DAPK1: variants seen among roughly 807,000 people sequenced by gnomAD.
DAPK1 encodes the protein death associated protein kinase 1.
A neutral mutation model predicts 144.9 loss-of-function variants in DAPK1; 56 were observed. That is an observed-to-expected ratio of 0.39 (90% CI 0.31 to 0.48). DAPK1 has a LOEUF of 0.48. Ranked by LOEUF, DAPK1 falls within the 20% of genes least tolerant of loss-of-function variation. The pLI is 0.95. For synonymous variants in DAPK1, 690 were observed against 749.0 expected (o/e 0.92, Z 1.29); for missense variants, 1,454 against 1,875.4 (o/e 0.78, Z 4.15).
chr9:87,600,789 C>T (rs771535252), intron 2 of DAPK1, among the ~76,000 whole-genome samples: 12 of 151,930 alleles, frequency 7.9e-5, no homozygotes, highest in Non-Finnish European at 1.8e-4. Context: ...AATAATGCAG[C>T]CATCCGTATC....
Position 87,665,874 on chromosome 9 carries a change from T to A in DAPK1, c.1924-2723T>A, listed in dbSNP as rs113439073. Among the ~76,000 whole-genome samples the A allele has an allele frequency of 3.2e-3, 485 of 152,278 alleles. 3 individuals are homozygous for A. Among genetic ancestry groups the A allele is most frequent in the African/African-American group, 0.011 (464 of 41,554 alleles). The stretch of plus-strand genomic sequence containing the variant: ...TCTGCAGCCACTTGGTCCCCAGGGC[T>A]CACGTTGAGATGATGGACAGCTGAG... On this transcript the variant is annotated intron_variant, in intron 18 of 25. Transcript: ENST00000408954.
At chr9:87,593,062 C>T (rs1346825441) in intron 2 of DAPK1, among the ~76,000 whole-genome samples, 1 of 152,196 alleles carries the variant, frequency 6.6e-6, no homozygotes, top group East Asian at 1.9e-4. Flanking sequence ...CACTGCCTCC[C>T]TGAGACCTGG....
At chr9:87,600,306 C>T (rs1828471648) in intron 2 of DAPK1, among the ~76,000 whole-genome samples, 1 of 152,198 alleles carries the variant, frequency 6.6e-6, no homozygotes, top group Admixed American at 6.5e-5. Context: ...AAATTTTATG[C>T]CTCCTGCAGT....
At chr9:87,635,332 TC>T (rs1814547176) in intron 3 of DAPK1, among the ~76,000 whole-genome samples, 1 of 152,002 alleles carries the variant, frequency 6.6e-6, no homozygotes, top group African/African-American at 2.4e-5. Context: ...GCAGCCAAAC[TC>T]CTGACGTTTC....
intron 3 of DAPK1, among the ~76,000 whole-genome samples, chr9:87,633,897 G>A (rs1829796353): frequency 6.6e-6 from 1 of 152,166 alleles, no homozygotes. Flanking sequence ...TGTTTATTAA[G>A]AACTATACTT....
At chr9:87,498,142 AC>A (rs1331942268) in intron 1 of DAPK1, 35 bp downstream of exon 1, 5 of 396,270 alleles carry the variant, frequency 1.3e-5, no homozygotes, top group African/African-American at 2.1e-5. Flanking sequence ...GGTCCCCCCG[AC>A]CCCCGGCGCC....
Position 87,522,344 on chromosome 9 carries a change from C to A in DAPK1, c.62+23205C>A, listed in dbSNP as rs62562066. Among the ~76,000 whole-genome samples, 54 of 152,160 alleles carry A rather than the reference C, an allele frequency of 3.5e-4. 1 individual carries two copies. The South Asian group carries it at 0.011, about 31-fold the overall frequency. ...CCTTCTAGTGAGTCTTGAGATCATT[C>A]CATATATATTCTATGTGTATTTAAG... is the stretch of plus-strand genomic sequence containing the variant. On this transcript the variant is annotated intron_variant, in intron 2 of 25. Coordinates refer to ENST00000408954, the MANE Select transcript of DAPK1 (RefSeq NM_004938.4).
intron 3 of DAPK1, among the ~76,000 whole-genome samples, chr9:87,621,670 T>G (rs1829297672): frequency 6.6e-6 from 1 of 152,186 alleles, no homozygotes; most frequent in African/African-American, 2.4e-5. Context: ...CCTCTTGCTT[T>G]GGGTTTGAAA....
intron 2 of DAPK1, among the ~76,000 whole-genome samples, chr9:87,590,758 T>A (rs999671483): frequency 1.5e-4 from 23 of 152,124 alleles, no homozygotes; most frequent in African/African-American, 5.1e-4. Flanking sequence ...AGCTAATTTT[T>A]AAAAATTTTT....
In DAPK1 at chr9:87,707,562, A is replaced by G; in HGVS notation, c.*198A>G. Reference sequence around the variant, plus strand: ...CTCATTCCGTTGTCTGTGGATGGTCATTGCAGTTTAAGAGCAGAACAGATC... The same window carrying G: ...CTCATTCCGTTGTCTGTGGATGGTCGTTGCAGTTTAAGAGCAGAACAGATC... On this transcript the variant is annotated 3_prime_UTR_variant, in exon 26 of 26. Coordinates refer to ENST00000408954, the MANE Select transcript of DAPK1 (RefSeq NM_004938.4). This position sits in a 1 kb window ranked among gnomAD's most constrained non-coding sequence, Gnocchi z 4.0. The G allele has an allele frequency of 1.7e-6, 1 of 591,462 alleles. No homozygotes were observed. The highest frequency in any genetic ancestry group is 3.0e-6 in the Non-Finnish European group (1 of 333,400). 36.6% of individuals were successfully genotyped at this position (591,462 alleles called of 1,614,324 possible). A position where few individuals can be genotyped will look rare whatever the true frequency, so the allele number is the denominator to read the frequency against.
chr9:87,505,647 G>A (rs922441080), intron 2 of DAPK1, among the ~76,000 whole-genome samples: 1 of 151,016 alleles, frequency 6.6e-6, no homozygotes, highest in South Asian at 2.1e-4. Context: ...CACCCTCCTC[G>A]GCCTCCCGAA....
intron 2 of DAPK1, among the ~76,000 whole-genome samples, chr9:87,544,384 T>C (rs1826162363): frequency 6.6e-6 from 1 of 152,208 alleles, no homozygotes; most frequent in East Asian, 1.9e-4. Context: ...CAAATTTTCA[T>C]TTTTAGATAT....
At chr9:87,669,755 G>T (rs1587830227) in intron 19 of DAPK1, among the ~76,000 whole-genome samples, 1 of 120,920 alleles carries the variant, frequency 8.3e-6, no homozygotes, top group Non-Finnish European at 2.0e-5. Flanking sequence ...CTGTGGTCTT[G>T]CCAGGGGCAG....
intron 2 of DAPK1, among the ~76,000 whole-genome samples, chr9:87,523,701 C>G (rs754948601): frequency 6.6e-6 from 1 of 152,070 alleles, no homozygotes; most frequent in Non-Finnish European, 1.5e-5. Flanking sequence ...AATTTATTTT[C>G]GTGTGAAGTG....
intron 18 of DAPK1, among the ~76,000 whole-genome samples, chr9:87,663,216 T>A (rs1830926743): frequency 6.6e-6 from 1 of 151,926 alleles, no homozygotes; most frequent in Non-Finnish European, 1.5e-5. Flanking sequence ...CTCAGCAGAG[T>A]CCCCACTCAC....
At chr9:87,644,150 A>G (rs1485247212) in intron 11 of DAPK1, among the ~76,000 whole-genome samples, 1 of 152,062 alleles carries the variant, frequency 6.6e-6, no homozygotes, top group Non-Finnish European at 1.5e-5. Flanking sequence ...CTCTCTAGTT[A>G]TTTTTCCTTT....
At chr9:87,653,496 CGTGTGTGTGTATGTAT>C (rs1424557028) in intron 17 of DAPK1, among the ~76,000 whole-genome samples, 1 of 151,586 alleles carries the variant, frequency 6.6e-6, no homozygotes, top group Non-Finnish European at 1.5e-5. Context: ...ATGGAAATCC[CGTGTGTGTGTATGTAT>C]GTGTGTGTGT....
intron 2 of DAPK1, among the ~76,000 whole-genome samples, chr9:87,518,185 C>T (rs1375423838): frequency 2.7e-5 from 4 of 147,646 alleles, no homozygotes; most frequent in African/African-American, 7.6e-5. Flanking sequence ...AATCTTGGCT[C>T]ACTGCAACCT....
intron 2 of DAPK1, among the ~76,000 whole-genome samples, chr9:87,584,002 A>AT (rs1159873877): frequency 1.3e-5 from 2 of 152,222 alleles, no homozygotes; most frequent in Non-Finnish European, 2.9e-5. Flanking sequence ...GGCTGGATAC[A>AT]TTTTTGTAGC....
Sources: allele counts gnomAD v4.1 joint callset (sites outside exome capture counted in the v4.1 genomes callset), GRCh38; gene constraint gnomAD v4.1.1; non-coding constraint Gnocchi (gnomAD v3.1); transcripts MANE v1.5; gene names NCBI Gene and HGNC (gene_info 2026-07-23, HGNC 2026-07-21).